DISC1: variants seen among roughly 807,000 people sequenced by gnomAD.
The protein encoded by DISC1 is disrupted in schizophrenia 1 protein.
In DISC1, 57 loss-of-function variants were observed where a neutral mutation model predicts 84.5. The observed-to-expected ratio is 0.67, with a 90% CI of 0.55 to 0.84. The LOEUF (loss-of-function observed/expected upper bound fraction) is 0.84. DISC1 is among the 40% of genes least tolerant of loss of function. The pLI, the probability that DISC1 is intolerant of heterozygous loss-of-function variation, is 0.00. For synonymous variants in DISC1, 411 were observed against 415.2 expected (o/e 0.99, Z 0.12); for missense variants, 1,000 against 1,057.8 (o/e 0.95, Z 0.76).
chr1:231,962,658 T>C (rs1017162112), intron 10 of DISC1, among the ~76,000 whole-genome samples: 3 of 152,192 alleles, frequency 2.0e-5, no homozygotes, highest in African/African-American at 7.2e-5. Flanking sequence ...GGTATATTTT[T>C]AGTTTTTATG....
At chr1:231,918,377 G>A (rs914422553) in intron 9 of DISC1, among the ~76,000 whole-genome samples, 1 of 152,182 alleles carries the variant, frequency 6.6e-6, no homozygotes, top group Non-Finnish European at 1.5e-5. Flanking sequence ...TATCAATAAC[G>A]TTCATACATA....
At chr1:231,694,946 C>A in intron 2 of DISC1, 141 bp downstream of exon 2, 1 of 1,204,084 alleles carries the variant, frequency 8.3e-7, no homozygotes, top group Non-Finnish European at 1.2e-6. Flanking sequence ...GCCGGCTGCA[C>A]AGGATGTTGC....
chr1:231,690,811 G>A (rs2064907536), intron 1 of DISC1, among the ~76,000 whole-genome samples: 1 of 152,158 alleles, frequency 6.6e-6, no homozygotes, highest in Non-Finnish European at 1.5e-5. Flanking sequence ...TCTGCCCTCT[G>A]CCCTCTGAGG....
intron 10 of DISC1, among the ~76,000 whole-genome samples, chr1:231,982,917 A>G (rs1009598673): frequency 6.6e-6 from 1 of 152,186 alleles, no homozygotes; most frequent in Non-Finnish European, 1.5e-5. Flanking sequence ...ATGGTCTAAT[A>G]CAAATAATTA....
chr1:231,879,051 A>G (rs1054722930), intron 9 of DISC1, among the ~76,000 whole-genome samples: 2 of 151,056 alleles, frequency 1.3e-5, no homozygotes, highest in Non-Finnish European at 2.9e-5. Context: ...CAGGTTGAGT[A>G]TCCCTTATCT....
At chr1:232,003,624 G>GTGTT (rs1666981949) in intron 10 of DISC1, among the ~76,000 whole-genome samples, 1 of 152,030 alleles carries the variant, frequency 6.6e-6, no homozygotes, top group South Asian at 2.1e-4. Context: ...TCCATTCAGT[G>GTGTT]AACACAATGC....
chr1:231,874,827 C>T (rs1003468155), intron 9 of DISC1, among the ~76,000 whole-genome samples: 9 of 149,726 alleles, frequency 6.0e-5, no homozygotes, highest in African/African-American at 1.5e-4. Context: ...AGGAGAATGG[C>T]GTGAACTGGA....
chr1:231,733,103 T>TTATAG (rs2071794671), intron 3 of DISC1, among the ~76,000 whole-genome samples: 6 of 141,404 alleles, frequency 4.2e-5, no homozygotes, highest in South Asian at 2.4e-4. Context: ...GTAGAGTTGG[T>TTATAG]GATGGTGGTA....
At chr1:232,006,154 C>T (rs909531308) in intron 10 of DISC1, among the ~76,000 whole-genome samples, 10 of 152,068 alleles carry the variant, frequency 6.6e-5, no homozygotes, top group Non-Finnish European at 1.0e-4. Flanking sequence ...ATTTACATTG[C>T]GTGCTGGGCA....
intron 10 of DISC1, among the ~76,000 whole-genome samples, chr1:231,989,219 A>G (rs1206026863): frequency 2.6e-5 from 4 of 152,234 alleles, no homozygotes; most frequent in African/African-American, 9.6e-5. Context: ...TACCCAGGTC[A>G]GGCTCATAAA....
intron 9 of DISC1, among the ~76,000 whole-genome samples, chr1:231,852,575 A>C (rs988717986): frequency 6.6e-6 from 1 of 152,260 alleles, no homozygotes; most frequent in Non-Finnish European, 1.5e-5. Context: ...TTTGGGGCAC[A>C]TGCGCACCTG....
At chr1:231,735,458 C>T (rs1044786297) in intron 3 of DISC1, among the ~76,000 whole-genome samples, 6 of 152,112 alleles carry the variant, frequency 3.9e-5, no homozygotes, top group Non-Finnish European at 7.4e-5. Context: ...GAATAGTTTG[C>T]ATTTGTATAA....
rs2081290525 is a variant in DISC1 at position 231,818,985 on chromosome 1, G to A, written c.1981+468G>A. 3 of 998,492 alleles carry A rather than the reference G, an allele frequency of 3.0e-6. No individual in the cohort carries two copies. The South Asian group carries it at 1.3e-4, about 44-fold the overall frequency. 61.9% of individuals were successfully genotyped at this position (998,492 alleles called of 1,614,324 possible). A position where few individuals can be genotyped will look rare whatever the true frequency, so the allele number is the denominator to read the frequency against. ...AGCTTCTTTCCCCAGGAAGGATGAT[G>A]TAGAAGATGTGAATGCCGCCTTAGC... On this transcript the variant is annotated intron_variant, in intron 9 of 12. Coordinates refer to ENST00000439617, the MANE Select transcript of DISC1 (RefSeq NM_018662.3).
At chr1:232,023,229 C>T (rs1384247563) in intron 11 of DISC1, among the ~76,000 whole-genome samples, 1 of 152,100 alleles carries the variant, frequency 6.6e-6, no homozygotes, top group Non-Finnish European at 1.5e-5. Context: ...TGAGTTATTT[C>T]ATCATCATTA....
intron 8 of DISC1, among the ~76,000 whole-genome samples, chr1:231,815,794 C>T (rs559583683): frequency 4.0e-5 from 6 of 150,878 alleles, no homozygotes; most frequent in Non-Finnish European, 5.9e-5. Flanking sequence ...GCATGTATGA[C>T]GAGTTTGTTT....
chr1:231,719,834 G>A (rs1357104940), intron 3 of DISC1, among the ~76,000 whole-genome samples: 2 of 152,108 alleles, frequency 1.3e-5, no homozygotes. Context: ...AAACCAAAAA[G>A]CTCACAGCAG....
chr1:231,740,172 T>C (rs1558458765), intron 3 of DISC1, among the ~76,000 whole-genome samples: 1 of 152,176 alleles, frequency 6.6e-6, no homozygotes, highest in Non-Finnish European at 1.5e-5. Context: ...ACATTTCTGT[T>C]GTTTAATCTA....
Position 231,630,038 on chromosome 1 carries a change from T to G in DISC1, c.67+3104T>G, listed in dbSNP as rs996128605. Among the ~76,000 whole-genome samples the G allele has an allele frequency of 3.3e-5, 5 of 152,144 alleles. No homozygotes were observed. The highest frequency in any genetic ancestry group is 1.2e-4 in the African/African-American group (5 of 41,426). On this transcript the variant is annotated intron_variant, in intron 1 of 12. Coordinates refer to ENST00000439617, the MANE Select transcript of DISC1 (RefSeq NM_018662.3). The surrounding 1 kb of genome is among the most constrained non-coding windows in gnomAD (Gnocchi z 4.4). ...CCTCTGCCTCCTGGGTTCAAGCGAT[T>G]CTCCTGCCTCAGCCTCTCGAGTAGT...
chr1:231,681,389 TCTCA>T (rs763788265), intron 1 of DISC1, among the ~76,000 whole-genome samples: 2 of 151,030 alleles, frequency 1.3e-5, no homozygotes, highest in Non-Finnish European at 2.9e-5. Flanking sequence ...CGTGTTGGGC[TCTCA>T]CTCGTGTGTG....
Sources: gnomAD v4.1 joint callset for allele counts (sites outside exome capture counted in the v4.1 genomes callset) on GRCh38, gnomAD v4.1.1 for gene constraint, Gnocchi (gnomAD v3.1) non-coding constraint, MANE v1.5 for transcripts, NCBI Gene and HGNC (gene_info 2026-07-23, HGNC 2026-07-21) for gene names.